The following EPHB2 variants were observed in gnomAD, a reference collection of about 807,000 sequenced individuals.
EPHB2 encodes ephrin type-B receptor 2.
Under a neutral mutation model 96.4 loss-of-function variants are expected in EPHB2, and 18 were observed. The ratio of observed to expected loss-of-function variants is 0.19; its 90% confidence interval spans 0.13 to 0.28. EPHB2 has a LOEUF of 0.28. Ranked by LOEUF, EPHB2 falls within the 10% of genes least tolerant of loss-of-function variation. The probability of loss-of-function intolerance (pLI) is 1.00; values close to 1 mark genes in which losing one functional copy is unlikely to be tolerated. For synonymous variants in EPHB2, 506 were observed against 534.1 expected, an observed-to-expected ratio of 0.95 and a Z score of 0.72; for missense variants, 989 against 1,355.4, an observed-to-expected ratio of 0.73 and a Z score of 4.25.
intron 3 of EPHB2, among the ~76,000 whole-genome samples, chr1:22,786,806 G>C (rs1416114954): frequency 6.6e-6 from 1 of 152,224 alleles, no homozygotes; most frequent in Non-Finnish European, 1.5e-5. Context: ...GAGTCACAGG[G>C]AACAGGGCAT....
chr1:22,868,201 G>A (rs1638546767), intron 5 of EPHB2, among the ~76,000 whole-genome samples: 1 of 152,216 alleles, frequency 6.6e-6, no homozygotes, highest in Non-Finnish European at 1.5e-5. Context: ...GATGTACCCA[G>A]GAGTAGAGAT....
chr1:22,911,143 A>AAAAAAAATAAATAAATAAAT (rs368231548), intron 14 of EPHB2, among the ~76,000 whole-genome samples: 2 of 133,778 alleles, frequency 1.5e-5, no homozygotes, highest in African/African-American at 6.7e-5. Flanking sequence ...TCCATCTAAA[A>AAAAAAAATAAATAAATAAAT]AAATAAATAA....
In EPHB2 at chr1:22,893,062, C is replaced by T. The variant is rs368317703; in HGVS notation, c.1591+16C>T. 5.2e-5 allele frequency: 84 copies of T among 1,614,104 alleles called. No individual in the cohort carries two copies. The highest frequency in any genetic ancestry group is 4.3e-4 in the Admixed American group (26 of 60,016). On this transcript the variant is annotated intron_variant, in intron 7 of 15. Coordinates refer to ENST00000374630, the MANE Select transcript of EPHB2 (RefSeq NM_017449.5). ...ATGACAGAAGGTGAGCAGAGTCCAG[C>T]GGGCAAGAGGAGGGCACAGACTCCA...
intron 3 of EPHB2, among the ~76,000 whole-genome samples, chr1:22,815,882 TC>T (rs2148467501): frequency 6.6e-6 from 1 of 152,240 alleles, no homozygotes; most frequent in Admixed American, 6.5e-5. Context: ...CCCAGTTTTC[TC>T]TCCAAGGGCT....
At chr1:22,769,308 A>G (rs1189096478) in intron 1 of EPHB2, among the ~76,000 whole-genome samples, 1 of 152,206 alleles carries the variant, frequency 6.6e-6, no homozygotes, top group African/African-American at 2.4e-5. Context: ...GTGCTTGGGA[A>G]CTAGTGGCAG....
chr1:22,716,523 G>A (rs1002345015), intron 1 of EPHB2, among the ~76,000 whole-genome samples: 5 of 152,100 alleles, frequency 3.3e-5, no homozygotes, highest in African/African-American at 7.2e-5. Context: ...TAGTGGAGAC[G>A]GGGCGGGGGT....
At chr1:22,912,359 C>G in intron 14 of EPHB2, 85 bp from the exon 15 acceptor site, 1 of 1,574,648 alleles carries the variant, frequency 6.4e-7, no homozygotes, top group Non-Finnish European at 8.7e-7. Context: ...TGCACATTCA[C>G]GCATACGCAG....
chr1:22,807,243 T>C (rs1202424047), intron 3 of EPHB2, among the ~76,000 whole-genome samples: 1 of 152,148 alleles, frequency 6.6e-6, no homozygotes, highest in African/African-American at 2.4e-5. Context: ...AGGGTGTAGA[T>C]GCTGGCCCTG....
intron 5 of EPHB2, among the ~76,000 whole-genome samples, chr1:22,870,134 A>G (rs1462003445): frequency 6.6e-6 from 1 of 152,126 alleles, no homozygotes; most frequent in Non-Finnish European, 1.5e-5. Context: ...TATCTAGCTC[A>G]TTGCCTTAAA....
intron 3 of EPHB2, among the ~76,000 whole-genome samples, chr1:22,845,236 G>A (rs1645525280): frequency 6.6e-6 from 1 of 152,082 alleles, no homozygotes; most frequent in South Asian, 2.1e-4. Context: ...TTGTAAGTGG[G>A]GATAATTATA....
chr1:22,727,806 A>C (rs1363341633), intron 1 of EPHB2, among the ~76,000 whole-genome samples: 3 of 150,810 alleles, frequency 2.0e-5, no homozygotes, highest in African/African-American at 7.3e-5. Context: ...CAAAAAAAAA[A>C]AAAACTTTTT....
intron 3 of EPHB2, among the ~76,000 whole-genome samples, chr1:22,809,093 GAC>G (rs1644968932): frequency 6.6e-6 from 1 of 152,252 alleles, no homozygotes; most frequent in Non-Finnish European, 1.5e-5. Flanking sequence ...CTCGGGCCCA[GAC>G]AGCTTCCCGG....
intron 3 of EPHB2, among the ~76,000 whole-genome samples, chr1:22,847,352 C>T (rs1050126494): frequency 6.6e-6 from 1 of 152,214 alleles, no homozygotes; most frequent in African/African-American, 2.4e-5. Context: ...CTGGGAAGCA[C>T]AGCCCCCTGA....
intron 1 of EPHB2, among the ~76,000 whole-genome samples, chr1:22,725,449 C>T (rs138625220): frequency 2.4e-4 from 37 of 152,014 alleles, no homozygotes; most frequent in African/African-American, 8.0e-4. Flanking sequence ...TTGGATAAAT[C>T]GATGAAATCA....
rs888910820 is a variant in EPHB2, at chr1:22,860,311, G to A, written c.812-2726G>A. 1.3e-5 allele frequency among the ~76,000 whole-genome samples: 2 copies of A among 152,104 alleles called. No individual in the cohort carries two copies. Among genetic ancestry groups the A allele is most frequent in the African/African-American group, 4.8e-5 (2 of 41,412 alleles). On this transcript the variant is annotated intron_variant, in intron 3 of 15. Coordinates refer to ENST00000374630, the MANE Select transcript of EPHB2 (RefSeq NM_017449.5). This position sits in a 1 kb window ranked among gnomAD's most constrained non-coding sequence, Gnocchi z 4.6. ...GACCAGACCAGAGACTGCTGAGGAG[G>A]GAAGACCTAGTAATTGATTGGCTGT... is the stretch of plus-strand genomic sequence containing the variant.
Position 22,723,100 on chromosome 1 carries a change from C to T in EPHB2, c.61+12057C>T, listed in dbSNP as rs568519688. On this transcript the variant is annotated intron_variant, in intron 1 of 15. Coordinates refer to ENST00000374630, the MANE Select transcript of EPHB2 (RefSeq NM_017449.5). ...GGGGTCAACATTCCCATTATGGCGA[C>T]GACATATGTCCACGGCACCAACTTG... Among the ~76,000 whole-genome samples the T allele has an allele frequency of 2.0e-5, 3 of 152,330 alleles. No homozygotes were observed. In the East Asian group the frequency reaches 5.8e-4, roughly 29 times the overall value.
Position 22,860,325 on chromosome 1 carries a change from T to C in EPHB2, c.812-2712T>C, listed in dbSNP as rs1645774547. ...CTGCTGAGGAGGGAAGACCTAGTAATTGATTGGCTGTGGGGGGACAGGGTG... is the reference window on the plus strand; with the variant it reads ...CTGCTGAGGAGGGAAGACCTAGTAACTGATTGGCTGTGGGGGGACAGGGTG... On this transcript the variant is annotated intron_variant, in intron 3 of 15. Transcript: ENST00000374630. This position sits in a 1 kb window ranked among gnomAD's most constrained non-coding sequence, Gnocchi z 4.6. Among the ~76,000 whole-genome samples the C allele has an allele frequency of 6.6e-6, 1 of 151,790 alleles. No individual in the cohort carries two copies. Among genetic ancestry groups the C allele is most frequent in the African/African-American group, 2.4e-5 (1 of 41,278 alleles).
At chr1:22,760,020 C>G (rs903592240) in intron 1 of EPHB2, among the ~76,000 whole-genome samples, 2 of 152,188 alleles carry the variant, frequency 1.3e-5, no homozygotes, top group Non-Finnish European at 2.9e-5. Context: ...CAAGAGGCAC[C>G]TGCATCCTCT....
At chr1:22,878,453 G>A (rs1246712667) in intron 5 of EPHB2, among the ~76,000 whole-genome samples, 2 of 152,240 alleles carry the variant, frequency 1.3e-5, no homozygotes, top group African/African-American at 2.4e-5. Context: ...GTCCCTGGAA[G>A]GCTGGGATGC....
Sources: gnomAD v4.1 joint callset for allele counts (sites outside exome capture counted in the v4.1 genomes callset) on GRCh38, gnomAD v4.1.1 for gene constraint, Gnocchi (gnomAD v3.1) non-coding constraint, MANE v1.5 for transcripts, NCBI Gene and HGNC (gene_info 2026-07-23, HGNC 2026-07-21) for gene names.